Variants in ARHGAP10 observed in about 807,000 individuals in gnomAD.
ARHGAP10 encodes rho GTPase-activating protein 10.
In ARHGAP10, 87 loss-of-function variants were observed where a neutral mutation model predicts 108.6. The ratio of observed to expected loss-of-function variants is 0.80; its 90% CI spans 0.67 to 0.96. ARHGAP10 has a LOEUF of 0.96. Ranked by LOEUF, ARHGAP10 falls within the 40% of genes least tolerant of loss-of-function variation. The probability of loss-of-function intolerance (pLI) is 0.00; values close to 1 mark genes in which losing one functional copy is unlikely to be tolerated. For missense variants in ARHGAP10, 939 were observed against 954.5 expected, an observed-to-expected ratio of 0.98 and a Z score of 0.21; for synonymous variants, 347 against 341.1, an observed-to-expected ratio of 1.02 and a Z score of -0.19.
chr4:147,739,822 G>A (rs1728584383), intron 1 of ARHGAP10, among the ~76,000 whole-genome samples: 2 of 148,702 alleles, frequency 1.3e-5, no homozygotes, highest in Admixed American at 6.8e-5. Context: ...TGCAACCTCC[G>A]CCTCCCAGGT....
chr4:147,864,860 A>T lies in ARHGAP10; in HGVS notation c.501A>T (p.Val167=). ...DSHLQEADIQ[V]EQNRQHFYEL... ...TTTTAACATAGGCAGATATCCAAGT[A>T]GAGCAGAACCGGCAACACTTCTATG... The change falls in exon 6 of 23, where the codon GTA becomes GTT. Residue 167 remains valine (V), a synonymous_variant. Coordinates refer to ENST00000336498, the MANE Select transcript of ARHGAP10 (RefSeq NM_024605.4). 6 of 1,613,720 alleles carry T rather than the reference A, an allele frequency of 3.7e-6. No individual in the cohort carries two copies. The highest frequency in any genetic ancestry group is 5.1e-6 in the Non-Finnish European group (6 of 1,179,846).
chr4:147,798,755 C>T (rs867180116), intron 1 of ARHGAP10, among the ~76,000 whole-genome samples: 1 of 37,920 alleles, frequency 2.6e-5, no homozygotes, highest in Non-Finnish European at 5.7e-5. Context: ...CTCTCTCTCT[C>T]TCTCTCTCTC....
At chr4:147,955,232 C>A (rs1234318403) in intron 15 of ARHGAP10, 84 bp from the exon 16 acceptor site, 1 of 1,313,534 alleles carries the variant, frequency 7.6e-7, no homozygotes, top group East Asian at 2.3e-5. Flanking sequence ...AAATGCATAA[C>A]AAATTTAACA....
At chr4:147,804,557 T>G (rs1261937362) in intron 1 of ARHGAP10, among the ~76,000 whole-genome samples, 2 of 152,204 alleles carry the variant, frequency 1.3e-5, no homozygotes, top group African/African-American at 4.8e-5. Flanking sequence ...AGTTCTGTTT[T>G]AAGTTGAGAA....
chr4:147,811,499 G>A (rs1339466940), intron 1 of ARHGAP10, among the ~76,000 whole-genome samples: 1 of 151,898 alleles, frequency 6.6e-6, no homozygotes, highest in African/African-American at 2.4e-5. Context: ...TGATAATTGG[G>A]TACCATCCAT....
Position 148,063,407 on chromosome 4 carries a change from A to G in ARHGAP10, c.2180+107A>G. 3 of 1,437,564 alleles carry G rather than the reference A, an allele frequency of 2.1e-6. 1 individual carries two copies. The highest frequency in any genetic ancestry group is 4.9e-5 in the East Asian group (2 of 40,892). 89.1% of individuals were successfully genotyped at this position (1,437,564 alleles called of 1,614,324 possible). On this transcript the variant is annotated intron_variant, in intron 21 of 22. Transcript: ENST00000336498. ...TCTGCTGGCAAAAGCTTGCCCAGAT[A>G]CCCCCAGCATCCTGGACTTCATGGA...
chr4:147,745,842 A>G (rs1728894379), intron 1 of ARHGAP10, among the ~76,000 whole-genome samples: 2 of 137,412 alleles, frequency 1.5e-5, no homozygotes, highest in African/African-American at 5.4e-5. Context: ...GGCTGGGTGC[A>G]GTGGCGTGAT....
At chr4:147,913,251 A>G (rs2126921603) in intron 13 of ARHGAP10, 112 bp downstream of exon 13, 3 of 914,114 alleles carry the variant, frequency 3.3e-6, no homozygotes, top group East Asian at 2.6e-5. Context: ...TGTTAACACA[A>G]ATGCTCATTC....
At chr4:148,048,232 C>T (rs1420997358) in intron 20 of ARHGAP10, among the ~76,000 whole-genome samples, 1 of 152,194 alleles carries the variant, frequency 6.6e-6, no homozygotes, top group African/African-American at 2.4e-5. Context: ...TTTAAATGGA[C>T]TGGAAAGTGT....
intron 1 of ARHGAP10, among the ~76,000 whole-genome samples, chr4:147,779,873 A>C (rs11930432): frequency 0.065 from 9,865 of 152,202 alleles, 476 homozygotes; most frequent in African/African-American, 0.13. Context: ...TAAATGGAAG[A>C]ATGTTGTTTA....
rs1239160185 is a variant in ARHGAP10, at chr4:147,966,857, T to C, written c.1716+18T>C. ...ATGAAAAGGTAAAATTTTTTTTTTC[T>C]TTAAGAGACTTTGTTTTCGGCTTGT... On this transcript the variant is annotated intron_variant, in intron 18 of 22. Transcript: ENST00000336498. 6.5e-7 allele frequency: 1 copy of C among 1,541,904 alleles called. No homozygotes were observed. The highest frequency in any genetic ancestry group is 1.8e-5 in the Admixed American group (1 of 55,460).
At chr4:147,868,657 G>T (rs753645473) in intron 7 of ARHGAP10, among the ~76,000 whole-genome samples, 1 of 152,318 alleles carries the variant, frequency 6.6e-6, no homozygotes, top group African/African-American at 2.4e-5. Context: ...TTTTAAGGAA[G>T]ACAATTCTAT....
intron 1 of ARHGAP10, among the ~76,000 whole-genome samples, chr4:147,784,668 T>TTATAAAA (rs1425386429): frequency 5.1e-4 from 1 of 1,944 alleles, no homozygotes; most frequent in African/African-American, 1.1e-3. Flanking sequence ...AAAATATATA[T>TTATAAAA]TATATATTAT....
At chr4:147,887,882 T>G (rs1041902540) in intron 10 of ARHGAP10, among the ~76,000 whole-genome samples, 5 of 151,582 alleles carry the variant, frequency 3.3e-5, no homozygotes, top group African/African-American at 4.8e-5. Flanking sequence ...AAAATTTTTT[T>G]TTTCCTATTT....
chr4:147,981,136 T>G (rs537819011), intron 18 of ARHGAP10, among the ~76,000 whole-genome samples: 1 of 152,316 alleles, frequency 6.6e-6, no homozygotes, highest in East Asian at 1.9e-4. Context: ...TTTTCTGGTT[T>G]CTTTAGGTAC....
At chr4:148,049,666 T>G (rs1055435273) in intron 20 of ARHGAP10, among the ~76,000 whole-genome samples, 4 of 152,174 alleles carry the variant, frequency 2.6e-5, no homozygotes, top group African/African-American at 9.7e-5. Flanking sequence ...TATTTGGCGC[T>G]AAGAAATTCA....
At chr4:147,985,850 GC>G (rs1740025115) in intron 18 of ARHGAP10, among the ~76,000 whole-genome samples, 1 of 152,166 alleles carries the variant, frequency 6.6e-6, no homozygotes, top group Non-Finnish European at 1.5e-5. Context: ...CCTGGGTTGC[GC>G]GGATCCCTAG....
chr4:147,996,865 A>C (rs1740497038), intron 18 of ARHGAP10, among the ~76,000 whole-genome samples: 1 of 152,186 alleles, frequency 6.6e-6, no homozygotes, highest in Admixed American at 6.5e-5. Flanking sequence ...TTGTGAGGGA[A>C]CAGGGAGAAG....
intron 1 of ARHGAP10, among the ~76,000 whole-genome samples, chr4:147,739,038 T>G (rs1360747168): frequency 6.7e-6 from 1 of 148,652 alleles, no homozygotes; most frequent in Admixed American, 6.7e-5. Context: ...CAAAAAAAAA[T>G]TAGCCGGGTC....
Sources: allele counts gnomAD v4.1 joint callset (sites outside exome capture counted in the v4.1 genomes callset), GRCh38; gene constraint gnomAD v4.1.1; transcripts MANE v1.5; gene names NCBI Gene and HGNC (gene_info 2026-07-23, HGNC 2026-07-21).